OR52N4: variants seen among roughly 807,000 people sequenced by gnomAD.
OR52N4 encodes olfactory receptor 52N4.
OR52N4 carries 15 observed loss-of-function variants against 15.0 expected under a neutral mutation model. That is an observed-to-expected ratio of 1.00 (90% CI 0.67 to 1.54). The LOEUF is 1.54. Ranked by LOEUF, OR52N4 falls within the 40% of genes most tolerant of loss-of-function variation. The probability of loss-of-function intolerance (pLI) is 0.00; values close to 1 mark genes in which losing one functional copy is unlikely to be tolerated. For missense variants in OR52N4, 421 were observed against 394.0 expected, an observed-to-expected ratio of 1.07 and a Z score of -0.58; for synonymous variants, 143 against 143.7, an observed-to-expected ratio of 1.00 and a Z score of 0.03.
At chr11:5,743,783 A>G in the OR52N4 span, among the ~76,000 whole-genome samples, 3 of 152,176 alleles carry the variant, frequency 2.0e-5, no homozygotes, top group Non-Finnish European at 4.4e-5. Flanking sequence ...AAAATATAGA[A>G]AGATTTTAAT....
At chr11:5,748,386 T>C in the OR52N4 span, among the ~76,000 whole-genome samples, 2 of 143,004 alleles carry the variant, frequency 1.4e-5, no homozygotes, top group African/African-American at 5.0e-5. Context: ...TTATAATCAG[T>C]TATTTTTAGC....
chr11:5,742,746 C>A, the OR52N4 span, among the ~76,000 whole-genome samples: 2 of 151,800 alleles, frequency 1.3e-5, no homozygotes, highest in Non-Finnish European at 2.9e-5. Flanking sequence ...GAGTTCTAAA[C>A]AAGAAAATAA....
chr11:5,736,285 T>C, the OR52N4 span: 4 of 510,122 alleles, frequency 7.8e-6, no homozygotes, highest in South Asian at 1.0e-4. Context: ...AAATTTCATC[T>C]CCCATAATTC....
chr11:5,752,199 A>C (rs1854205283), upstream of OR52N4, among the ~76,000 whole-genome samples: 1 of 152,200 alleles, frequency 6.6e-6, no homozygotes, highest in East Asian at 1.9e-4. Context: ...AGGCTAGGTT[A>C]GACACACAGG....
At chr11:5,741,729 C>G in the OR52N4 span, among the ~76,000 whole-genome samples, 1 of 152,048 alleles carries the variant, frequency 6.6e-6, no homozygotes, top group South Asian at 2.1e-4. Context: ...GGTGATAGAC[C>G]TTTGAAGTAA....
At chr11:5,736,926 A>G in the OR52N4 span, 1 of 1,613,848 alleles carries the variant, frequency 6.2e-7, no homozygotes, top group Non-Finnish European at 8.5e-7. Flanking sequence ...GCTATTTGTC[A>G]CCCTCTTCGC....
chr11:5,737,579 T>A, the OR52N4 span: 2 of 1,192,352 alleles, frequency 1.7e-6, no homozygotes, highest in Non-Finnish European at 2.3e-6. Context: ...AGTGAATACC[T>A]TTGGGATTCC....
chr11:5,742,258 C>A, the OR52N4 span, among the ~76,000 whole-genome samples: 2 of 151,974 alleles, frequency 1.3e-5, no homozygotes, highest in East Asian at 3.9e-4. Flanking sequence ...TATAGGCATT[C>A]CTAGGGAGAA....
At chr11:5,737,309 G>A in the OR52N4 span, 1 of 1,614,060 alleles carries the variant, frequency 6.2e-7, no homozygotes, top group Admixed American at 1.7e-5. Flanking sequence ...CACTATTGTT[G>A]TAGTGATTTC....
the OR52N4 span, chr11:5,737,978 G>A: frequency 6.4e-6 from 1 of 156,072 alleles, no homozygotes; most frequent in South Asian, 1.9e-4. Context: ...AAATAATTCA[G>A]ATAAAGCCAA....
At chr11:5,732,254 C>G in the OR52N4 span, among the ~76,000 whole-genome samples, 1 of 152,244 alleles carries the variant, frequency 6.6e-6, no homozygotes, top group South Asian at 2.1e-4. Flanking sequence ...CTACAAATTA[C>G]TCTAAACCCC....
chr11:5,743,975 C>T, the OR52N4 span, among the ~76,000 whole-genome samples: 1 of 151,424 alleles, frequency 6.6e-6, no homozygotes, highest in African/African-American at 2.4e-5. Flanking sequence ...ATTGATAGAC[C>T]ACAGCAAGAT....
At chr11:5,737,430 A>C in the OR52N4 span, 20 of 1,613,978 alleles carry the variant, frequency 1.2e-5, no homozygotes, top group Non-Finnish European at 1.7e-5. Context: ...CTTCAGACCA[A>C]AGAACTTAGG....
the OR52N4 span, among the ~76,000 whole-genome samples, chr11:5,740,567 T>C: frequency 3.9e-3 from 490 of 126,744 alleles, 156 homozygotes; most frequent in East Asian, 0.12. Flanking sequence ...CTTAGTATTC[T>C]GGGAGGTTGA....
chr11:5,748,585 C>G, the OR52N4 span, among the ~76,000 whole-genome samples: 3 of 151,702 alleles, frequency 2.0e-5, no homozygotes, highest in African/African-American at 7.2e-5. Flanking sequence ...AAAAAATAAA[C>G]TTTTTGAACC....
At position 5,755,328 on chromosome 11, in the gene OR52N4, C is replaced by A; in HGVS notation, c.588C>A (p.Val196=). The change falls in exon 2 of 2, where the codon GTC becomes GTA. Residue 196 remains valine (V), a synonymous_variant. Transcript: ENST00000641350. The part of the protein sequence containing the change: ...VAKLSCGNVK[V]NAIYGLMVAL... ...AATTGTCCTGTGGTAATGTCAAGGT[C>A]AATGCCATCTATGGTCTGATGGTTG... 2 of 1,614,088 alleles carry A rather than the reference C, an allele frequency of 1.2e-6. No homozygotes were observed. The highest frequency in any genetic ancestry group is 1.7e-6 in the Non-Finnish European group (2 of 1,179,974).
At chr11:5,736,231 A>G in the OR52N4 span, 45 of 363,602 alleles carry the variant, frequency 1.2e-4, no homozygotes, top group African/African-American at 8.2e-4. Flanking sequence ...AGGCTATGTA[A>G]GACGTTAATG....
the OR52N4 span, chr11:5,737,219 C>G: frequency 1.9e-6 from 3 of 1,614,114 alleles, no homozygotes; most frequent in Non-Finnish European, 2.5e-6. Flanking sequence ...GTACTCTGTA[C>G]TTAGACTGAA....
In OR52N4 at chr11:5,755,390, C is replaced by A. The variant is rs1564959093; in HGVS notation, c.650C>A (p.Thr217Asn). 1.9e-6 allele frequency: 3 copies of A among 1,614,040 alleles called. No individual in the cohort carries two copies. Among genetic ancestry groups the A allele is most frequent in the Non-Finnish European group, 2.5e-6 (3 of 1,179,978 alleles). The change falls in exon 2 of 2, where the codon ACC (threonine) becomes AAC (asparagine). Residue 217 changes from threonine (T) to asparagine (N), a missense_variant. Coordinates refer to ENST00000641350, the MANE Select transcript of OR52N4 (RefSeq NM_001005175.5). ...LIWGFDILCI[T>N]NSYTMILRAV... ...TGGGGCTTTGACATACTGTGTATCA[C>A]CAACTCCTATACCATGATTCTCCGG... is the stretch of plus-strand genomic sequence containing the variant.
Sources: gnomAD v4.1 joint callset for allele counts (sites outside exome capture counted in the v4.1 genomes callset) on GRCh38, gnomAD v4.1.1 for gene constraint, MANE v1.5 for transcripts, NCBI Gene and HGNC (gene_info 2026-07-23, HGNC 2026-07-21) for gene names.